The following XYLB variants were observed in gnomAD, a reference collection of about 807,000 sequenced individuals.
The protein encoded by XYLB is xylulokinase.
XYLB carries 62 observed loss-of-function variants against 78.7 expected under a neutral mutation model. The ratio of observed to expected loss-of-function variants is 0.79; its 90% CI spans 0.64 to 0.97. The LOEUF (loss-of-function observed/expected upper bound fraction) is 0.97, where lower values mean the gene tolerates loss of function less well. Among genes scored for constraint, XYLB ranks in the 50% least tolerant of loss-of-function variants. The pLI, the probability that XYLB is intolerant of heterozygous loss-of-function variation, is 0.00. For synonymous variants in XYLB, 245 were observed against 247.4 expected, an observed-to-expected ratio of 0.99 and a Z score of 0.09; for missense variants, 687 against 676.8, an observed-to-expected ratio of 1.02 and a Z score of -0.17.
At chr3:38,430,742 A>G in the XYLB span, among the ~76,000 whole-genome samples, 1 of 152,142 alleles carries the variant, frequency 6.6e-6, no homozygotes, top group African/African-American at 2.4e-5. Flanking sequence ...TGAGGTGTAA[A>G]GAAGGGATCC....
chr3:38,375,998 A>G (rs1706834274), intron 12 of XYLB, 119 bp from the exon 13 acceptor site: 1 of 737,476 alleles, frequency 1.4e-6, no homozygotes, highest in Non-Finnish European at 2.4e-6. Context: ...CTGTGCACTG[A>G]CTAGGGGTCG....
Position 38,351,171 on chromosome 3 carries a change from C to CAAAAAAAAAAA in XYLB, c.140+2557_140+2567dup, listed in dbSNP as rs58457623. The stretch of plus-strand genomic sequence containing the variant: ...TGGACAACAGAGGGAGAGCCTGTCT[C>CAAAAAAAAAAA]AAAAAAAAAAAAAAAAAAAAAAAAA... On this transcript the variant is annotated intron_variant, in intron 2 of 18. Coordinates refer to ENST00000207870, the MANE Select transcript of XYLB (RefSeq NM_005108.4). 1.9e-3 allele frequency among the ~76,000 whole-genome samples: 44 copies of CAAAAAAAAAAA among 23,082 alleles called. 5 individuals are homozygous for CAAAAAAAAAAA. The highest frequency in any genetic ancestry group is 4.3e-3 in the African/African-American group (37 of 8,512). The allele number at this position is 23,082 out of a possible 152,430, so 15.1% of individuals were successfully genotyped here. A position where few individuals can be genotyped will look rare whatever the true frequency, so the allele number is the denominator to read the frequency against.
At position 38,372,697 on chromosome 3, in the gene XYLB, C is replaced by T. The variant is rs1436606322; in HGVS notation, c.808C>T (p.Pro270Ser). The T allele has an allele frequency of 6.2e-7, 1 of 1,614,040 alleles. No homozygotes were observed. The highest frequency in any genetic ancestry group is 8.5e-7 in the Non-Finnish European group (1 of 1,180,044). Residue 270 changes from proline to serine, a missense_variant, in exon 10 of 19, where the codon CCA becomes TCA. Transcript: ENST00000207870. ...CTACGTCCAGCGCTACGGATTTCCT[C>T]CAGGATGCAAAGTGGTGGCCTTCAC... is the stretch of plus-strand genomic sequence containing the variant. ...SYYVQRYGFP[P>S]GCKVVAFTGD...
At chr3:38,447,739 C>G in the XYLB span, among the ~76,000 whole-genome samples, 1 of 151,984 alleles carries the variant, frequency 6.6e-6, no homozygotes, top group South Asian at 2.1e-4. Flanking sequence ...TCCTGCAATC[C>G]CAGTATTGGA....
At chr3:38,438,759 G>A in the XYLB span, among the ~76,000 whole-genome samples, 1 of 152,166 alleles carries the variant, frequency 6.6e-6, no homozygotes, top group African/African-American at 2.4e-5. Context: ...GGCTGGGGTG[G>A]CCAGCTTTTA....
intron 2 of XYLB, among the ~76,000 whole-genome samples, chr3:38,359,886 G>A (rs559633395): frequency 6.6e-6 from 1 of 152,242 alleles, no homozygotes; most frequent in Non-Finnish European, 1.5e-5. Flanking sequence ...GTCTTCTAGG[G>A]GTGAGGTGGG....
intron 15 of XYLB, among the ~76,000 whole-genome samples, chr3:38,393,478 G>A (rs540775610): frequency 6.6e-6 from 1 of 152,256 alleles, no homozygotes; most frequent in Admixed American, 6.5e-5. Flanking sequence ...GGGTTTATTG[G>A]TCTTGTTCTT....
rs1705084034 is a variant in XYLB, at chr3:38,346,834, C to T, written c.-35C>T. 4.7e-6 allele frequency: 7 copies of T among 1,483,090 alleles called. No individual in the cohort carries two copies. Among genetic ancestry groups the T allele is most frequent in the Non-Finnish European group, 5.4e-6 (6 of 1,116,742 alleles). 91.9% of individuals were successfully genotyped at this position (1,483,090 alleles called of 1,614,324 possible). A position where few individuals can be genotyped will look rare whatever the true frequency, so the allele number is the denominator to read the frequency against. ...ACTATCACGCCGCGTGGCGGACGGA[C>T]GGACTGACGGACGCGCAGCCTTACC... is the stretch of plus-strand genomic sequence containing the variant. On this transcript the variant is annotated 5_prime_UTR_variant, in exon 1 of 19. It adds an upstream start codon to the 5' untranslated region. Transcript: ENST00000207870.
intron 8 of XYLB, 87 bp from the exon 9 acceptor site, chr3:38,369,969 G>A: frequency 2.6e-6 from 3 of 1,136,940 alleles, no homozygotes; most frequent in Non-Finnish European, 2.7e-6. Context: ...TGTGGCAAGA[G>A]AATTATCTGC....
At chr3:38,391,100 C>A (rs1707633083) in intron 15 of XYLB, among the ~76,000 whole-genome samples, 1 of 151,870 alleles carries the variant, frequency 6.6e-6, no homozygotes, top group Non-Finnish European at 1.5e-5. Context: ...ACGCTTATAG[C>A]CTACTCAGGA....
At chr3:38,348,427 AAGG>A in intron 1 of XYLB, 120 bp from the exon 2 acceptor site, 5 of 808,478 alleles carry the variant, frequency 6.2e-6, no homozygotes, top group Non-Finnish European at 1.0e-5. Context: ...CCCTGCCTTC[AAGG>A]AGGTCTCTAG....
At chr3:38,442,775 A>G in the XYLB span, among the ~76,000 whole-genome samples, 1 of 143,884 alleles carries the variant, frequency 7.0e-6, no homozygotes, top group African/African-American at 2.6e-5. Context: ...ATGTCTAACA[A>G]TATCCTGTAA....
chr3:38,407,478 ACAAG>A (rs1158637168), intron 18 of XYLB, among the ~76,000 whole-genome samples: 1 of 152,202 alleles, frequency 6.6e-6, no homozygotes, highest in African/African-American at 2.4e-5. Context: ...GCATCAACTA[ACAAG>A]CAAAATAACC....
Position 38,346,907 on chromosome 3 carries a change from G to T in XYLB, c.39G>T (p.Trp13Cys). 1 of 1,516,818 alleles carries T rather than the reference G, an allele frequency of 6.6e-7. No homozygotes were observed. Among genetic ancestry groups the T allele is most frequent in the Non-Finnish European group, 8.8e-7 (1 of 1,135,004 alleles). The allele number at this position is 1,516,818 out of a possible 1,614,324, so 94.0% of individuals were successfully genotyped here. ...CCCCTCGCCGCTGCTGCCTGGGCTGGGACTTCAGCACGCAGCAGGTACAGT... is the reference window on the plus strand; with the variant it reads ...CCCCTCGCCGCTGCTGCCTGGGCTGTGACTTCAGCACGCAGCAGGTACAGT... ...EHAPRRCCLG[W>C]DFSTQQVKVV... The change falls in exon 1 of 19, where the codon TGG (tryptophan) becomes TGT (cysteine). Residue 13 changes from tryptophan (W) to cysteine (C), a missense_variant. Physicochemically the swap from Trp to Cys is radical, Grantham distance 215 (BLOSUM62 -2). Transcript: ENST00000207870.
the XYLB span, among the ~76,000 whole-genome samples, chr3:38,450,626 G>T: frequency 6.6e-6 from 1 of 152,112 alleles, no homozygotes; most frequent in African/African-American, 2.4e-5. Context: ...TAGCAATCTT[G>T]TAGTCGTTCA....
chr3:38,409,831 A>G (rs1478676485), intron 18 of XYLB, among the ~76,000 whole-genome samples: 6 of 152,174 alleles, frequency 3.9e-5, no homozygotes, highest in African/African-American at 1.4e-4. Context: ...TACAAGGGAC[A>G]TGAAGGACCT....
the XYLB span, among the ~76,000 whole-genome samples, chr3:38,444,495 A>G: frequency 5.7e-4 from 87 of 152,334 alleles, no homozygotes; most frequent in South Asian, 2.9e-3. Context: ...TTCTCCTTCA[A>G]TGAAAAGAAA....
At chr3:38,439,111 C>T in the XYLB span, among the ~76,000 whole-genome samples, 1 of 152,162 alleles carries the variant, frequency 6.6e-6, no homozygotes, top group Non-Finnish European at 1.5e-5. Context: ...TCTCAATCTC[C>T]CCTCTAAACA....
At chr3:38,383,677 G>A (rs146083125) in intron 15 of XYLB, among the ~76,000 whole-genome samples, 1 of 152,022 alleles carries the variant, frequency 6.6e-6, no homozygotes, top group South Asian at 2.1e-4. Context: ...TGGGGGTGGG[G>A]TGGCAGGGGT....
Sources: allele counts gnomAD v4.1 joint callset (sites outside exome capture counted in the v4.1 genomes callset), GRCh38; gene constraint gnomAD v4.1.1; transcripts MANE v1.5; gene names NCBI Gene and HGNC (gene_info 2026-07-23, HGNC 2026-07-21).